The following PRDM5 variants were observed in gnomAD, a reference collection of about 807,000 sequenced individuals.
PRDM5 encodes the protein PR domain zinc finger protein 5.
A neutral mutation model predicts 81.2 loss-of-function variants in PRDM5; 56 were observed. The observed-to-expected ratio is 0.69, with a 90% CI of 0.56 to 0.86. The LOEUF (loss-of-function observed/expected upper bound fraction) is 0.86. Ranked by LOEUF, PRDM5 falls within the 40% of genes least tolerant of loss-of-function variation. The pLI is 0.00. For missense variants in PRDM5, 697 were observed against 770.1 expected, an observed-to-expected ratio of 0.91 and a Z score of 1.12; for synonymous variants, 267 against 256.4, an observed-to-expected ratio of 1.04 and a Z score of -0.39.
At chr4:120,759,687 C>G (rs1343775014) in intron 13 of PRDM5, among the ~76,000 whole-genome samples, 1 of 152,200 alleles carries the variant, frequency 6.6e-6, no homozygotes, top group African/African-American at 2.4e-5. Flanking sequence ...TCTAAGAACA[C>G]AGGTCACAGT....
chr4:120,894,473 T>C lies in PRDM5; in HGVS notation c.177+13001A>G, dbSNP rs560821866. On this transcript the variant is annotated intron_variant, in intron 2 of 15. Transcript: ENST00000264808. ...GCTCCCTTTACTTTAATATTTCTTC[T>C]GGCGCAAGTCAGCTAGTGATAAAGT... Among the ~76,000 whole-genome samples, 12 of 152,334 alleles carry C rather than the reference T, an allele frequency of 7.9e-5. No homozygotes were observed. The East Asian group carries it at 2.3e-3, about 29-fold the overall frequency.
intron 10 of PRDM5, among the ~76,000 whole-genome samples, chr4:120,796,331 G>A (rs4833178): frequency 0.2 from 30,313 of 152,182 alleles, 3,679 homozygotes; most frequent in Non-Finnish European, 0.28. Context: ...GAAGGATTGA[G>A]TGTTGCTTTC....
chr4:120,852,843 A>G (rs1485609285), intron 3 of PRDM5, among the ~76,000 whole-genome samples: 2 of 140,550 alleles, frequency 1.4e-5, no homozygotes, highest in African/African-American at 5.3e-5. Flanking sequence ...TCTGTTGCCC[A>G]GGTTGAAGTG....
intron 3 of PRDM5, chr4:120,838,377 A>T (rs1757601795): frequency 6.6e-6 from 1 of 152,204 alleles, no homozygotes; most frequent in African/African-American, 2.4e-5. Flanking sequence ...TAGTGATCAG[A>T]TCAAGATAAT....
At chr4:120,886,937 T>G (rs1196032170) in intron 2 of PRDM5, among the ~76,000 whole-genome samples, 1 of 150,314 alleles carries the variant, frequency 6.7e-6, no homozygotes, top group Non-Finnish European at 1.5e-5. Context: ...CATTCTTGAC[T>G]CTTCTCTTTC....
intron 14 of PRDM5, among the ~76,000 whole-genome samples, chr4:120,710,931 T>C (rs1393229847): frequency 2.0e-5 from 3 of 152,210 alleles, no homozygotes; most frequent in Admixed American, 6.5e-5. Flanking sequence ...TTTTATATTT[T>C]CAGGAGAAAT....
In PRDM5 at chr4:120,751,968, A is replaced by G. The variant is rs577370794; in HGVS notation, c.1623+2585T>C. On this transcript the variant is annotated intron_variant, in intron 14 of 15. Transcript: ENST00000264808. ...AAAAACTTTTAAAATAGGACCAAAA[A>G]TGTCTGGGAATTAGAGCTATCTAAA... Among the ~76,000 whole-genome samples the G allele has an allele frequency of 2.6e-5, 4 of 152,314 alleles. No homozygotes were observed. The South Asian group carries it at 6.2e-4, about 24-fold the overall frequency.
Position 120,818,426 on chromosome 4 carries a change from G to T in PRDM5, c.577C>A (p.Pro193Thr). The T allele has an allele frequency of 6.2e-7, 1 of 1,613,978 alleles. No individual in the cohort carries two copies. Among genetic ancestry groups the T allele is most frequent in the Non-Finnish European group, 8.5e-7 (1 of 1,179,910 alleles). ...AEHLQTLHQK[P>T]TEEKEFKCKN... ...CACTTAAATTCTTTCTCCTCTGTGG[G>T]TTTCTGGTGCAATGTCTGGAGATGC... Residue 193 changes from proline to threonine, a missense_variant, in exon 5 of 16, where the codon CCC (proline) becomes ACC (threonine). Physicochemically the swap from Pro to Thr is conservative, Grantham distance 38. Transcript: ENST00000264808.
In PRDM5 at chr4:120,757,614, A is replaced by C. The variant is rs1223385819; in HGVS notation, c.1538-2976T>G. Among the ~76,000 whole-genome samples the C allele has an allele frequency of 2.0e-5, 3 of 152,304 alleles. No homozygotes were observed. In the East Asian group the frequency reaches 5.8e-4, roughly 29 times the overall value. ...TGTAAAGAAGATCCACCCTCACCCA[A>C]TGTGGGCAGGCATCATCCAATCCAT... On this transcript the variant is annotated intron_variant, in intron 13 of 15. Transcript: ENST00000264808.
Position 120,741,766 on chromosome 4 carries a change from T to A in PRDM5, c.1623+12787A>T, listed in dbSNP as rs200711606. ...CACGAGATTATATCATGCACCTGGC[T>A]CAGAGGGTCCTACCCCACGGAGTCT... On this transcript the variant is annotated intron_variant, in intron 14 of 15. Transcript: ENST00000264808. Among the ~76,000 whole-genome samples, 45 of 151,952 alleles carry A rather than the reference T, an allele frequency of 3.0e-4. No individual in the cohort carries two copies. The East Asian group carries it at 5.7e-3, about 19-fold the overall frequency.
At chr4:120,722,819 A>G (rs1354922776) in intron 14 of PRDM5, among the ~76,000 whole-genome samples, 3 of 152,176 alleles carry the variant, frequency 2.0e-5, no homozygotes, top group Non-Finnish European at 4.4e-5. Flanking sequence ...GTTGATACAG[A>G]CCACATAAGG....
At chr4:120,903,098 T>C (rs540511975) in intron 2 of PRDM5, among the ~76,000 whole-genome samples, 11 of 152,206 alleles carry the variant, frequency 7.2e-5, no homozygotes, top group African/African-American at 1.9e-4. Context: ...CATGACATCA[T>C]TTTCCAGACA....
At chr4:120,819,183 G>A (rs909192013) in intron 4 of PRDM5, among the ~76,000 whole-genome samples, 2 of 152,190 alleles carry the variant, frequency 1.3e-5, no homozygotes, top group South Asian at 2.1e-4. Context: ...CTTGCCTTTA[G>A]TGCATACATA....
At chr4:120,899,923 C>T (rs578021493) in intron 2 of PRDM5, among the ~76,000 whole-genome samples, 4 of 152,208 alleles carry the variant, frequency 2.6e-5, no homozygotes, top group Admixed American at 1.3e-4. Flanking sequence ...GAACACTTCA[C>T]TTATGTTTAC....
intron 13 of PRDM5, among the ~76,000 whole-genome samples, chr4:120,770,308 C>G (rs147835639): frequency 4.6e-5 from 7 of 152,164 alleles, no homozygotes; most frequent in South Asian, 4.1e-4. Context: ...AGATTACAGG[C>G]GTGAGCCACC....
chr4:120,801,510 T>G (rs1752115371), intron 8 of PRDM5, among the ~76,000 whole-genome samples: 2 of 152,186 alleles, frequency 1.3e-5, no homozygotes, highest in Admixed American at 1.3e-4. Context: ...TAAATTCAGT[T>G]ATGTAAAGCA....
chr4:120,807,001 A>G (rs1753073602), intron 8 of PRDM5, among the ~76,000 whole-genome samples: 1 of 152,234 alleles, frequency 6.6e-6, no homozygotes, highest in Middle Eastern at 3.2e-3. Context: ...ACAAAGTTAC[A>G]AGAAAAAAAA....
At chr4:120,777,048 T>C (rs1748261293) in intron 13 of PRDM5, 140 bp downstream of exon 13, 3 of 1,503,732 alleles carry the variant, frequency 2.0e-6, no homozygotes, top group Non-Finnish European at 2.7e-6. Context: ...AACTGGGTTG[T>C]ACAATGCTTT....
chr4:120,785,902 A>C (rs1023189022), intron 10 of PRDM5, among the ~76,000 whole-genome samples: 3 of 152,114 alleles, frequency 2.0e-5, no homozygotes, highest in Admixed American at 6.6e-5. Flanking sequence ...AAATTCAAAA[A>C]CAAAACCAAA....
Sources: gnomAD v4.1 joint callset for allele counts (sites outside exome capture counted in the v4.1 genomes callset) on GRCh38, gnomAD v4.1.1 for gene constraint, MANE v1.5 for transcripts, NCBI Gene and HGNC (gene_info 2026-07-23, HGNC 2026-07-21) for gene names.